CACNG5: variants seen among roughly 807,000 people sequenced by gnomAD.
CACNG5 encodes calcium voltage-gated channel auxiliary subunit gamma 5.
CACNG5 carries 18 observed loss-of-function variants against 24.8 expected under a neutral mutation model. The ratio of observed to expected loss-of-function variants is 0.73; its 90% CI spans 0.50 to 1.08. CACNG5 has a LOEUF of 1.08. Ranked by LOEUF, CACNG5 falls within the 50% of genes least tolerant of loss-of-function variation. The pLI is 0.00. For missense variants in CACNG5, 349 were observed against 367.9 expected (o/e 0.95, Z 0.42); for synonymous variants, 157 against 149.1 (o/e 1.05, Z -0.39).
chr17:66,860,433 G>GT (rs1457263970), intron 1 of CACNG5, among the ~76,000 whole-genome samples: 2 of 152,090 alleles, frequency 1.3e-5, no homozygotes, highest in Non-Finnish European at 2.9e-5. Flanking sequence ...CCCTGTAAGA[G>GT]TAAGAACTGA....
chr17:66,861,631 A>G (rs1976860385), intron 1 of CACNG5, among the ~76,000 whole-genome samples: 1 of 152,170 alleles, frequency 6.6e-6, no homozygotes, highest in Admixed American at 6.5e-5. Context: ...CTGATAGATG[A>G]CCAGTGTCAC....
chr17:66,862,924 G>T (rs1778226830), intron 1 of CACNG5, among the ~76,000 whole-genome samples: 1 of 151,528 alleles, frequency 6.6e-6, no homozygotes, highest in Admixed American at 6.6e-5. Flanking sequence ...GTGTGTGTGT[G>T]TGTGTGTGTG....
In CACNG5 at chr17:66,892,173, T is replaced by TC. The variant is rs1160558591; in HGVS notation, c.*6939dup. ...TGAGGAGGTGGAAGCCCCAGGGACC[T>TC]CCCCCCACTCCTCGCTCTGTCTCAG... On this transcript the variant is annotated 3_prime_UTR_variant, in exon 6 of 6. Transcript: ENST00000533854. Among the ~76,000 whole-genome samples, 1 of 151,960 alleles carries TC rather than the reference T, an allele frequency of 6.6e-6. No individual in the cohort carries two copies. The highest frequency in any genetic ancestry group is 1.5e-5 in the Non-Finnish European group (1 of 67,982).
chr17:66,867,390 A>G (rs1976944593), intron 1 of CACNG5, among the ~76,000 whole-genome samples: 1 of 152,046 alleles, frequency 6.6e-6, no homozygotes, highest in African/African-American at 2.4e-5. Flanking sequence ...AGATGAGTAG[A>G]TTGTAAAAAC....
chr17:66,845,461 T>A lies in CACNG5; in HGVS notation c.-104+10211T>A, dbSNP rs75450698. 8.7e-4 allele frequency among the ~76,000 whole-genome samples: 128 copies of A among 147,710 alleles called. 1 individual carries two copies. The highest frequency in any genetic ancestry group is 3.2e-3 in the South Asian group (15 of 4,660). Reference sequence around the variant, plus strand: ...GTGTCCCAGAACTTAAAGTAAAATTTAAAAAAAAAAAACAAAAAACTATCC... The same window carrying A: ...GTGTCCCAGAACTTAAAGTAAAATTAAAAAAAAAAAAACAAAAAACTATCC... On this transcript the variant is annotated intron_variant, in intron 1 of 5. Coordinates refer to ENST00000533854, the MANE Select transcript of CACNG5 (RefSeq NM_145811.3).
chr17:66,889,333 C>T lies in CACNG5; in HGVS notation c.*4093C>T, dbSNP rs1977308582. Reference sequence around the variant, plus strand: ...CCCCACCAGTGACCTTCAGAAGAATCCTGTGTTACCAGGGCTGCATGCAGA... The same window carrying T: ...CCCCACCAGTGACCTTCAGAAGAATTCTGTGTTACCAGGGCTGCATGCAGA... On this transcript the variant is annotated 3_prime_UTR_variant, in exon 6 of 6. Transcript: ENST00000533854. Among the ~76,000 whole-genome samples, 1 of 152,118 alleles carries T rather than the reference C, an allele frequency of 6.6e-6. No homozygotes were observed. The highest frequency in any genetic ancestry group is 2.4e-5 in the African/African-American group (1 of 41,418).
At chr17:66,852,371 G>A (rs1316312103) in intron 1 of CACNG5, among the ~76,000 whole-genome samples, 1 of 152,034 alleles carries the variant, frequency 6.6e-6, no homozygotes, top group Non-Finnish European at 1.5e-5. Flanking sequence ...AGCCAATTCC[G>A]GCAGCAAATC....
At position 66,888,601 on chromosome 17, in the gene CACNG5, G is replaced by A. The variant is rs372004159; in HGVS notation, c.*3361G>A. On this transcript the variant is annotated 3_prime_UTR_variant, in exon 6 of 6. Transcript: ENST00000533854. ...AAAGAGGAAAGAACCATGAAAAGTG[G>A]CTCAATAGTCAAAGACAGGTTTATT... Among the ~76,000 whole-genome samples, 2 of 151,550 alleles carry A rather than the reference G, an allele frequency of 1.3e-5. No individual in the cohort carries two copies. Among genetic ancestry groups the A allele is most frequent in the East Asian group, 1.9e-4 (1 of 5,146 alleles).
At chr17:66,843,076 C>CT (rs1195809145) in intron 1 of CACNG5, among the ~76,000 whole-genome samples, 4 of 152,226 alleles carry the variant, frequency 2.6e-5, no homozygotes, top group African/African-American at 9.6e-5. Context: ...CTAGCTTGTA[C>CT]TTGACATGTA....
chr17:66,869,790 G>A (rs188838002), intron 1 of CACNG5, among the ~76,000 whole-genome samples: 6 of 152,268 alleles, frequency 3.9e-5, no homozygotes, highest in East Asian at 3.9e-4. Context: ...ATCTTGAAAC[G>A]TAATGGTATA....
At chr17:66,870,747 G>A (rs934900448) in intron 1 of CACNG5, among the ~76,000 whole-genome samples, 5 of 152,162 alleles carry the variant, frequency 3.3e-5, no homozygotes, top group Admixed American at 2.6e-4. Flanking sequence ...GAGAGGCCGA[G>A]GCAGGTGAAT....
At chr17:66,881,596 C>T (rs1766886975) in intron 4 of CACNG5, among the ~76,000 whole-genome samples, 1 of 152,146 alleles carries the variant, frequency 6.6e-6, no homozygotes, top group African/African-American at 2.4e-5. Context: ...CTGCTGGCAT[C>T]ACTGCCTACA....
rs774935163 is a variant in CACNG5 at position 66,861,185 on chromosome 17, A to C, written c.-103-16045A>C. On this transcript the variant is annotated intron_variant, in intron 1 of 5. Transcript: ENST00000533854. Reference sequence around the variant, plus strand: ...ATAACAGCACAAAGGAGTTGGGAGAAGGAGAAGCCAAGCTGTATTGAAGTA... The same window carrying C: ...ATAACAGCACAAAGGAGTTGGGAGACGGAGAAGCCAAGCTGTATTGAAGTA... 5.6e-4 allele frequency among the ~76,000 whole-genome samples: 85 copies of C among 152,238 alleles called. 1 individual carries two copies. Among genetic ancestry groups the C allele is most frequent in the Non-Finnish European group, 9.3e-4 (63 of 68,050 alleles).
rs1470117238 is a variant in CACNG5, at chr17:66,845,460, T to TAA, written c.-104+10210_-104+10211insAA. 1.9e-4 allele frequency among the ~76,000 whole-genome samples: 14 copies of TAA among 75,234 alleles called. No homozygotes were observed. The South Asian group carries it at 3.4e-3, about 18-fold the overall frequency. The allele number at this position is 75,234 out of a possible 152,430, so 49.4% of individuals were successfully genotyped here. A position where few individuals can be genotyped will look rare whatever the true frequency, so the allele number is the denominator to read the frequency against. On this transcript the variant is annotated intron_variant, in intron 1 of 5. Transcript: ENST00000533854. ...TGTGTCCCAGAACTTAAAGTAAAATTTAAAAAAAAAAAACAAAAAACTATC... is the reference window on the plus strand; with the variant it reads ...TGTGTCCCAGAACTTAAAGTAAAATTAATAAAAAAAAAAAACAAAAAACTATC...
chr17:66,837,402 C>T (rs577562114), intron 1 of CACNG5, among the ~76,000 whole-genome samples: 1 of 152,230 alleles, frequency 6.6e-6, no homozygotes, highest in Non-Finnish European at 1.5e-5. Flanking sequence ...CTGTCCCCAG[C>T]TTCTGCCCCG....
At chr17:66,882,658 C>T (rs1977177098) in intron 4 of CACNG5, among the ~76,000 whole-genome samples, 1 of 151,874 alleles carries the variant, frequency 6.6e-6, no homozygotes, top group Non-Finnish European at 1.5e-5. Context: ...TTTAGGTGCC[C>T]CGGATGACTG....
intron 1 of CACNG5, among the ~76,000 whole-genome samples, chr17:66,847,404 CA>C (rs1418350547): frequency 6.6e-6 from 1 of 152,166 alleles, no homozygotes; most frequent in Non-Finnish European, 1.5e-5. Flanking sequence ...GGAGCCCTCA[CA>C]ATCATGGTAG....
At chr17:66,843,921 A>G (rs1413539572) in intron 1 of CACNG5, among the ~76,000 whole-genome samples, 1 of 138,064 alleles carries the variant, frequency 7.2e-6, no homozygotes, top group Non-Finnish European at 1.6e-5. Context: ...GCAGTTTGGC[A>G]TGGGGGACGC....
rs1977285615 is a variant in CACNG5, at chr17:66,887,942, A to G, written c.*2702A>G. Among the ~76,000 whole-genome samples the G allele has an allele frequency of 6.6e-6, 1 of 152,156 alleles. No homozygotes were observed. Among genetic ancestry groups the G allele is most frequent in the South Asian group, 2.1e-4 (1 of 4,832 alleles). ...CAGGGCCTAGTTGCAGCCTCTCCTC[A>G]ATCAGGAGACTTTTACCAAACGTTA... On this transcript the variant is annotated 3_prime_UTR_variant, in exon 6 of 6. Coordinates refer to ENST00000533854, the MANE Select transcript of CACNG5 (RefSeq NM_145811.3).
Sources: gnomAD v4.1 joint callset for allele counts (sites outside exome capture counted in the v4.1 genomes callset) on GRCh38, gnomAD v4.1.1 for gene constraint, MANE v1.5 for transcripts, NCBI Gene and HGNC (gene_info 2026-07-23, HGNC 2026-07-21) for gene names.